The following PCDHA2 variants were observed in gnomAD, a reference collection of about 807,000 sequenced individuals.
The protein encoded by PCDHA2 is protocadherin alpha-2.
In PCDHA2, 58 loss-of-function variants were observed where a neutral mutation model predicts 66.0. The observed-to-expected ratio is 0.88, with a 90% CI of 0.71 to 1.09. The LOEUF (loss-of-function observed/expected upper bound fraction) is 1.09. Ranked by LOEUF, PCDHA2 falls within the 50% of genes least tolerant of loss-of-function variation. The probability of loss-of-function intolerance (pLI) is 0.00; values close to 1 mark genes in which losing one functional copy is unlikely to be tolerated. For missense variants in PCDHA2, 1,267 were observed against 1,242.3 expected (o/e 1.02, Z -0.30); for synonymous variants, 634 against 554.0 (o/e 1.14, Z -2.03).
In PCDHA2 at chr5:140,967,905, C is replaced by G. The variant is rs782291807; in HGVS notation, c.2389-11044C>G. ...AGCCCAGTGCCTGAGAATGCTACAC[C>G]CAACACCATTGTGGCCGTTCTCAGT... is the stretch of plus-strand genomic sequence containing the variant. On this transcript the variant is annotated intron_variant, in intron 1 of 3. Transcript: ENST00000526136. 36 of 1,614,168 alleles carry G rather than the reference C, an allele frequency of 2.2e-5. No homozygotes were observed. Among genetic ancestry groups the G allele is most frequent in the Non-Finnish European group, 2.8e-5 (33 of 1,180,028 alleles).
chr5:140,900,141 A>G (rs2067777266), intron 1 of PCDHA2, among the ~76,000 whole-genome samples: 1 of 152,202 alleles, frequency 6.6e-6, no homozygotes, highest in Middle Eastern at 3.2e-3. Context: ...ACAAATAAGT[A>G]AGAACATACG....
intron 1 of PCDHA2, chr5:140,877,684 A>G (rs1247391418): frequency 1.9e-6 from 3 of 1,613,650 alleles, no homozygotes; most frequent in Non-Finnish European, 2.5e-6. Flanking sequence ...GGGCAAGCCC[A>G]CGCTGGTGTG....
intron 1 of PCDHA2, among the ~76,000 whole-genome samples, chr5:140,806,486 G>C (rs555206521): frequency 6.6e-6 from 1 of 152,144 alleles, no homozygotes; most frequent in Non-Finnish European, 1.5e-5. Context: ...TTTCAGCCCT[G>C]ACATGACTCA....
chr5:141,011,190 T>C lies in PCDHA2; in HGVS notation c.*1253T>C, dbSNP rs1321258440. On this transcript the variant is annotated 3_prime_UTR_variant, in exon 4 of 4. Coordinates refer to ENST00000526136, the MANE Select transcript of PCDHA2 (RefSeq NM_018905.3). Reference sequence around the variant, plus strand: ...AAGACCCAAAAATTGAAGAAAAATATTGTTTTCTCATACAGTGAGCAGATT... The same window carrying C: ...AAGACCCAAAAATTGAAGAAAAATACTGTTTTCTCATACAGTGAGCAGATT... The C allele has an allele frequency of 1.3e-5, 2 of 153,748 alleles. No individual in the cohort carries two copies. The highest frequency in any genetic ancestry group is 1.9e-4 in the East Asian group (1 of 5,200). The allele number at this position is 153,748 out of a possible 1,614,324, so 9.5% of individuals were successfully genotyped here. A position where few individuals can be genotyped will look rare whatever the true frequency, so the allele number is the denominator to read the frequency against.
At chr5:140,876,388 G>A in intron 1 of PCDHA2, 2 of 1,613,896 alleles carry the variant, frequency 1.2e-6, no homozygotes, top group Non-Finnish European at 1.7e-6. Context: ...TAGAATTTAT[G>A]GTGAACTGGA....
At chr5:140,828,292 C>A in intron 1 of PCDHA2, 2 of 1,614,104 alleles carry the variant, frequency 1.2e-6, no homozygotes, top group Non-Finnish European at 1.7e-6. Flanking sequence ...TCAGGATGGC[C>A]TCCAAAGACC....
chr5:140,801,063 T>C (rs1483974939), intron 1 of PCDHA2: 1 of 1,457,436 alleles, frequency 6.9e-7, no homozygotes, highest in Non-Finnish European at 9.0e-7. Flanking sequence ...GTGCATTACG[T>C]ATTCAGATAC....
At chr5:140,836,246 G>A (rs2150134732) in intron 1 of PCDHA2, 2 of 1,613,810 alleles carry the variant, frequency 1.2e-6, no homozygotes, top group Non-Finnish European at 1.7e-6. Flanking sequence ...CGAGCATCCC[G>A]TTCCGCGTGG....
intron 1 of PCDHA2, chr5:140,822,188 G>C (rs2150114452): frequency 2.5e-6 from 4 of 1,614,232 alleles, no homozygotes; most frequent in Non-Finnish European, 2.5e-6. Flanking sequence ...CAAGAACAAA[G>C]ATTATTCATT....
intron 3 of PCDHA2, among the ~76,000 whole-genome samples, chr5:140,993,994 A>T (rs1393081374): frequency 6.6e-6 from 1 of 152,234 alleles, no homozygotes; most frequent in African/African-American, 2.4e-5. Context: ...CACTTAGGTC[A>T]GGCCAGGCTC....
In PCDHA2 at chr5:140,843,731, T is replaced by C. The variant is rs1331325301; in HGVS notation, c.2388+46379T>C. 3.9e-6 allele frequency: 6 copies of C among 1,551,218 alleles called. 1 individual carries two copies. The highest frequency in any genetic ancestry group is 5.3e-6 in the Non-Finnish European group (6 of 1,131,064). On this transcript the variant is annotated intron_variant, in intron 1 of 3. Transcript: ENST00000526136. ...TGGCCTCAAAGTAAGTCCATTTAAA[T>C]TTAGAACTCATAAATTCTATTTGTG...
chr5:140,898,817 C>T (rs1381051036), intron 1 of PCDHA2, among the ~76,000 whole-genome samples: 1 of 151,766 alleles, frequency 6.6e-6, no homozygotes, highest in Admixed American at 6.6e-5. Context: ...TCTTCCTACC[C>T]ATGAGCATGG....
chr5:141,010,378 A>C lies in PCDHA2; in HGVS notation c.*441A>C. ...GCTACCGCGGGTATGCGAGTGCCAG[A>C]TATTGGCTGAGACGAGCCAGCTTAG... is the stretch of plus-strand genomic sequence containing the variant. On this transcript the variant is annotated 3_prime_UTR_variant, in exon 4 of 4. Coordinates refer to ENST00000526136, the MANE Select transcript of PCDHA2 (RefSeq NM_018905.3). 6.9e-7 allele frequency: 1 copy of C among 1,450,180 alleles called. No individual in the cohort carries two copies. Among genetic ancestry groups the C allele is most frequent in the Non-Finnish European group, 9.2e-7 (1 of 1,092,666 alleles). 89.8% of individuals were successfully genotyped at this position (1,450,180 alleles called of 1,614,324 possible).
chr5:140,893,112 G>T (rs782797637), intron 1 of PCDHA2, among the ~76,000 whole-genome samples: 5 of 152,148 alleles, frequency 3.3e-5, no homozygotes, highest in Non-Finnish European at 7.3e-5. Flanking sequence ...ATTCCGTTGT[G>T]CATATACACC....
chr5:140,914,427 T>C (rs2076707638), intron 1 of PCDHA2, among the ~76,000 whole-genome samples: 1 of 152,196 alleles, frequency 6.6e-6, no homozygotes, highest in African/African-American at 2.4e-5. Context: ...TAGCAAGGAA[T>C]ATCTTTTCCC....
At chr5:140,883,080 A>T in intron 1 of PCDHA2, 1 of 1,614,140 alleles carries the variant, frequency 6.2e-7, no homozygotes, top group Non-Finnish European at 8.5e-7. Flanking sequence ...GATCCTGATG[A>T]TGGTACAAAT....
chr5:140,803,103 G>A, intron 1 of PCDHA2: 1 of 1,613,824 alleles, frequency 6.2e-7, no homozygotes, highest in South Asian at 1.1e-5. Flanking sequence ...CACGACCCGT[G>A]CCCTGGACGA....
At chr5:140,883,547 G>C in intron 1 of PCDHA2, 1 of 1,614,234 alleles carries the variant, frequency 6.2e-7, no homozygotes, top group Non-Finnish European at 8.5e-7. Flanking sequence ...GGTGGTGACC[G>C]CGCGGGACGG....
chr5:140,980,058 A>C (rs1554241393), intron 2 of PCDHA2, among the ~76,000 whole-genome samples: 1 of 152,254 alleles, frequency 6.6e-6, no homozygotes, highest in Non-Finnish European at 1.5e-5. Context: ...ATTCAGAAGC[A>C]ATCAGTGAAG....
Sources: gnomAD v4.1 joint callset for allele counts (sites outside exome capture counted in the v4.1 genomes callset) on GRCh38, gnomAD v4.1.1 for gene constraint, MANE v1.5 for transcripts, NCBI Gene and HGNC (gene_info 2026-07-23, HGNC 2026-07-21) for gene names.